Variants in CLYBL observed in about 807,000 individuals in gnomAD.
The protein encoded by CLYBL is citramalyl-CoA lyase, mitochondrial.
CLYBL carries 31 observed loss-of-function variants against 38.9 expected under a neutral mutation model. The ratio of observed to expected loss-of-function variants is 0.80; its 90% CI spans 0.60 to 1.08. The LOEUF (loss-of-function observed/expected upper bound fraction) is 1.08, where lower values mean the gene tolerates loss of function less well. Among genes scored for constraint, CLYBL ranks in the 50% least tolerant of loss-of-function variants. CLYBL has a pLI of 0.00. For missense variants in CLYBL, 434 were observed against 411.6 expected, an observed-to-expected ratio of 1.05 and a Z score of -0.47; for synonymous variants, 171 against 158.6, an observed-to-expected ratio of 1.08 and a Z score of -0.59.
chr13:99,823,809 A>G (rs1475665067), intron 2 of CLYBL, among the ~76,000 whole-genome samples: 1 of 152,086 alleles, frequency 6.6e-6, no homozygotes, highest in Non-Finnish European at 1.5e-5. Context: ...AGTAACCTAT[A>G]TGTTCTATTT....
At chr13:99,879,444 T>C (rs2052138012) in intron 7 of CLYBL, among the ~76,000 whole-genome samples, 1 of 152,238 alleles carries the variant, frequency 6.6e-6, no homozygotes, top group Non-Finnish European at 1.5e-5. Context: ...AACGGTGTCC[T>C]GCGTTTCAGT....
chr13:99,685,087 T>C (rs2139410802), intron 1 of CLYBL, among the ~76,000 whole-genome samples: 1 of 152,360 alleles, frequency 6.6e-6, no homozygotes, highest in East Asian at 1.9e-4. Flanking sequence ...GTTTTAGCTG[T>C]GTGACTTCCA....
At chr13:99,834,342 C>T (rs372186975) in intron 2 of CLYBL, among the ~76,000 whole-genome samples, 23 of 152,270 alleles carry the variant, frequency 1.5e-4, no homozygotes, top group African/African-American at 5.1e-4. Context: ...GGAGGGCATA[C>T]GAGTAGGTCC....
chr13:99,727,948 G>A (rs909679374), intron 1 of CLYBL, among the ~76,000 whole-genome samples: 2 of 152,054 alleles, frequency 1.3e-5, no homozygotes, highest in African/African-American at 4.8e-5. Context: ...CATGGCGGTG[G>A]GCTTCTGTAA....
chr13:99,815,357 G>C (rs1049777911), intron 2 of CLYBL, among the ~76,000 whole-genome samples: 2 of 152,112 alleles, frequency 1.3e-5, no homozygotes, highest in Admixed American at 1.3e-4. Context: ...AGATCTATCA[G>C]AGCAAGCCTG....
intron 2 of CLYBL, among the ~76,000 whole-genome samples, chr13:99,856,897 C>A (rs887737927): frequency 1.3e-5 from 2 of 151,852 alleles, no homozygotes; most frequent in Non-Finnish European, 2.9e-5. Flanking sequence ...CTCAGCCTCT[C>A]AAAGGGCTGG....
At chr13:99,631,396 A>G (rs2046942788) in intron 1 of CLYBL, among the ~76,000 whole-genome samples, 1 of 151,776 alleles carries the variant, frequency 6.6e-6, no homozygotes. Context: ...ATATGCAAAT[A>G]TATAATATAT....
chr13:99,883,219 A>G (rs1468805737), intron 7 of CLYBL, among the ~76,000 whole-genome samples: 1 of 152,160 alleles, frequency 6.6e-6, no homozygotes, highest in Non-Finnish European at 1.5e-5. Context: ...AAAGTCAAGC[A>G]GCTAATAAAT....
intron 1 of CLYBL, among the ~76,000 whole-genome samples, chr13:99,767,783 G>C (rs1258763398): frequency 6.6e-6 from 1 of 152,208 alleles, no homozygotes; most frequent in East Asian, 1.9e-4. Flanking sequence ...TTCAGTTCTG[G>C]GGTTTGTGGT....
intron 1 of CLYBL, among the ~76,000 whole-genome samples, chr13:99,748,684 C>A (rs1244632759): frequency 9.2e-5 from 14 of 151,502 alleles, no homozygotes; most frequent in Non-Finnish European, 1.9e-4. Context: ...CATGATTCAC[C>A]CGGCTTGGCC....
chr13:99,860,842 T>C (rs1446716665), intron 3 of CLYBL, among the ~76,000 whole-genome samples: 1 of 152,264 alleles, frequency 6.6e-6, no homozygotes, highest in African/African-American at 2.4e-5. Flanking sequence ...TTTTCTTTTG[T>C]GTGAGAATCT....
intron 1 of CLYBL, among the ~76,000 whole-genome samples, chr13:99,650,808 G>A (rs567144930): frequency 1.3e-5 from 2 of 152,174 alleles, no homozygotes; most frequent in South Asian, 4.2e-4. Context: ...TCTGAACACA[G>A]ACGTCATTGC....
At chr13:99,718,038 CTTTTGT>C (rs762661510) in intron 1 of CLYBL, among the ~76,000 whole-genome samples, 60 of 151,654 alleles carry the variant, frequency 4.0e-4, no homozygotes, top group Admixed American at 1.2e-3. Flanking sequence ...TGTTTGTTTG[CTTTTGT>C]TTTTGTTTTT....
intron 2 of CLYBL, among the ~76,000 whole-genome samples, chr13:99,834,862 C>T (rs948110764): frequency 1.3e-5 from 2 of 152,186 alleles, no homozygotes; most frequent in Non-Finnish European, 2.9e-5. Context: ...TCTTATTGTT[C>T]AATTGGTTCA....
chr13:99,642,405 G>T (rs1158462251), intron 1 of CLYBL, among the ~76,000 whole-genome samples: 3 of 143,560 alleles, frequency 2.1e-5, no homozygotes, highest in Non-Finnish European at 4.7e-5. Context: ...TATTTTTTAT[G>T]ATTATTGTTA....
At chr13:99,700,655 G>A (rs2048051128) in intron 1 of CLYBL, among the ~76,000 whole-genome samples, 1 of 152,134 alleles carries the variant, frequency 6.6e-6, no homozygotes, top group African/African-American at 2.4e-5. Context: ...AAGCCTTGAT[G>A]TCCCTTTCAC....
intron 1 of CLYBL, among the ~76,000 whole-genome samples, chr13:99,647,613 G>T (rs1213326054): frequency 1.3e-5 from 2 of 152,220 alleles, no homozygotes; most frequent in African/African-American, 4.8e-5. Flanking sequence ...TGTAAAAAAT[G>T]TAATTTTGGG....
chr13:99,831,170 G>T (rs1461835749), intron 2 of CLYBL, among the ~76,000 whole-genome samples: 1 of 152,196 alleles, frequency 6.6e-6, no homozygotes, highest in African/African-American at 2.4e-5. Flanking sequence ...GCTAGAGAGG[G>T]ACTGCGCCCT....
chr13:99,665,448 G>GAGGA (rs2047466503), intron 1 of CLYBL, among the ~76,000 whole-genome samples: 1 of 151,890 alleles, frequency 6.6e-6, no homozygotes, highest in African/African-American at 2.4e-5. Context: ...AGCAGCAGAG[G>GAGGA]AGGAAGAATT....
Sources: allele counts gnomAD v4.1 joint callset (sites outside exome capture counted in the v4.1 genomes callset), GRCh38; gene constraint gnomAD v4.1.1; transcripts MANE v1.5; gene names NCBI Gene and HGNC (gene_info 2026-07-23, HGNC 2026-07-21).